SLC12A8: variants seen among roughly 807,000 people sequenced by gnomAD.
SLC12A8 encodes the protein cation-chloride cotransporter 9.
In SLC12A8, 69 loss-of-function variants were observed where a neutral mutation model predicts 75.6. The observed-to-expected ratio is 0.91, with a 90% CI of 0.75 to 1.11. The LOEUF (loss-of-function observed/expected upper bound fraction) is 1.11, where lower values mean the gene tolerates loss of function less well. Among genes scored for constraint, SLC12A8 ranks in the 50% most tolerant of loss-of-function variants. The pLI, the probability that SLC12A8 is intolerant of heterozygous loss-of-function variation, is 0.00. For missense variants in SLC12A8, 877 were observed against 896.7 expected (o/e 0.98, Z 0.28); for synonymous variants, 365 against 372.8 (o/e 0.98, Z 0.24).
At chr3:125,120,970 G>A (rs934147148) in intron 6 of SLC12A8, 3 of 667,996 alleles carry the variant, frequency 4.5e-6, no homozygotes, top group East Asian at 5.4e-5. Context: ...CCAGGGGGGA[G>A]GAAAGCGGCT....
chr3:125,105,339 G>A (rs529906566), intron 10 of SLC12A8, among the ~76,000 whole-genome samples: 1 of 152,318 alleles, frequency 6.6e-6, no homozygotes, highest in East Asian at 1.9e-4. Flanking sequence ...GGAATTCTAA[G>A]ACAACAGCTT....
intron 3 of SLC12A8, among the ~76,000 whole-genome samples, 178 bp from the exon 4 acceptor site, chr3:125,187,606 G>A (rs1180690333): frequency 6.6e-6 from 1 of 152,166 alleles, no homozygotes; most frequent in Non-Finnish European, 1.5e-5. Flanking sequence ...CCAAGGCCAG[G>A]AAGAAGTTCT....
At chr3:125,103,328 T>C (rs1483956100) in intron 10 of SLC12A8, among the ~76,000 whole-genome samples, 1 of 151,990 alleles carries the variant, frequency 6.6e-6, no homozygotes, top group African/African-American at 2.4e-5. Flanking sequence ...GAAAAACCTC[T>C]AGATATTCAC....
At chr3:125,093,472 T>C (rs911042570) in intron 10 of SLC12A8, among the ~76,000 whole-genome samples, 5 of 152,194 alleles carry the variant, frequency 3.3e-5, no homozygotes, top group African/African-American at 1.2e-4. Flanking sequence ...TGTTGGTTCC[T>C]GGAATCTATC....
At chr3:125,189,451 G>A (rs914334114) in intron 3 of SLC12A8, among the ~76,000 whole-genome samples, 1 of 152,172 alleles carries the variant, frequency 6.6e-6, no homozygotes, top group Non-Finnish European at 1.5e-5. Flanking sequence ...CCTCCAGGAA[G>A]GCTTCCTGAC....
intron 10 of SLC12A8, among the ~76,000 whole-genome samples, chr3:125,099,401 A>G (rs2107736621): frequency 6.6e-6 from 1 of 152,324 alleles, no homozygotes; most frequent in Admixed American, 6.5e-5. Flanking sequence ...TTTTCAACGA[A>G]AAATTACAAG....
chr3:125,199,033 C>T (rs1935066822), intron 2 of SLC12A8, among the ~76,000 whole-genome samples: 1 of 152,082 alleles, frequency 6.6e-6, no homozygotes. Flanking sequence ...CCTCCTTGGC[C>T]TCCCAAAGTG....
intron 6 of SLC12A8, among the ~76,000 whole-genome samples, chr3:125,128,118 C>T (rs1426940107): frequency 5.3e-5 from 8 of 151,994 alleles, no homozygotes; most frequent in Middle Eastern, 3.4e-3. Flanking sequence ...GTGATCTGCC[C>T]GCCAACCTCC....
intron 5 of SLC12A8, among the ~76,000 whole-genome samples, chr3:125,175,214 C>T (rs2107786692): frequency 6.6e-6 from 1 of 152,198 alleles, no homozygotes; most frequent in Admixed American, 6.5e-5. Context: ...AAGATAGTTG[C>T]TATTATGCAT....
intron 2 of SLC12A8, among the ~76,000 whole-genome samples, chr3:125,202,449 T>G (rs1199667231): frequency 2.0e-5 from 3 of 152,166 alleles, no homozygotes; most frequent in Non-Finnish European, 4.4e-5. Context: ...ATTACAAGAA[T>G]AGTACTTCAG....
chr3:125,120,546 G>T, intron 7 of SLC12A8, 53 bp downstream of exon 7: 1 of 1,317,014 alleles, frequency 7.6e-7, no homozygotes, highest in East Asian at 2.4e-5. Context: ...CTTCTGCCTG[G>T]GGTTTTCTCT....
rs143771154 is a variant in SLC12A8, at chr3:125,135,718, C to A, written c.687G>T (p.Pro229=). 31 of 1,609,908 alleles carry A rather than the reference C, an allele frequency of 1.9e-5. No homozygotes were observed. Among genetic ancestry groups the A allele is most frequent in the Non-Finnish European group, 2.5e-5 (30 of 1,177,524 alleles). ...LQNNTLPDYS[P]GESFFTVFGV... ...CAAAGACAGTGAAAAAAGATTCCCC[C>A]GGGCTGTAATCGGGCAGCGTGTTGT... The change falls in exon 6 of 14, where the codon CCG becomes CCT. Residue 229 remains proline (P), a synonymous_variant. Coordinates refer to ENST00000469902, the MANE Select transcript of SLC12A8 (RefSeq NM_024628.6).
intron 5 of SLC12A8, among the ~76,000 whole-genome samples, chr3:125,176,091 G>A (rs1451404358): frequency 1.3e-5 from 2 of 152,182 alleles, no homozygotes; most frequent in African/African-American, 4.8e-5. Context: ...CTAAAAGGCA[G>A]GACTGTGTAG....
chr3:125,186,710 C>T (rs1165573159), intron 4 of SLC12A8, among the ~76,000 whole-genome samples: 2 of 152,260 alleles, frequency 1.3e-5, no homozygotes, highest in Admixed American at 6.5e-5. Flanking sequence ...GCACACTCCT[C>T]ATTAACATTC....
chr3:125,147,113 G>T (rs187499153), intron 5 of SLC12A8, among the ~76,000 whole-genome samples: 3 of 152,208 alleles, frequency 2.0e-5, no homozygotes, highest in Non-Finnish European at 4.4e-5. Flanking sequence ...TATCAAGCAC[G>T]CCCAACTTCC....
intron 5 of SLC12A8, among the ~76,000 whole-genome samples, chr3:125,167,851 G>T (rs1163084386): frequency 6.6e-6 from 1 of 152,250 alleles, no homozygotes; most frequent in Non-Finnish European, 1.5e-5. Context: ...GCGGAGAATT[G>T]TTCAGAAAGG....
intron 8 of SLC12A8, 80 bp downstream of exon 8, chr3:125,118,689 G>A (rs533952452): frequency 3.1e-6 from 3 of 957,056 alleles, no homozygotes; most frequent in Admixed American, 3.9e-5. Context: ...TACTGCAAGG[G>A]GAAGGTGGCC....
chr3:125,189,613 CTT>C (rs1934869293), intron 3 of SLC12A8, among the ~76,000 whole-genome samples: 1 of 152,238 alleles, frequency 6.6e-6, no homozygotes, highest in African/African-American at 2.4e-5. Context: ...CAGGCCATGT[CTT>C]GTCTTTTGTG....
chr3:125,092,397 G>A (rs1252759606), intron 10 of SLC12A8, among the ~76,000 whole-genome samples, 199 bp from the exon 11 acceptor site: 1 of 152,198 alleles, frequency 6.6e-6, no homozygotes, highest in Non-Finnish European at 1.5e-5. Context: ...AAAGAGAAGA[G>A]AGAGACAGAG....
Sources: allele counts gnomAD v4.1 joint callset (sites outside exome capture counted in the v4.1 genomes callset), GRCh38; gene constraint gnomAD v4.1.1; transcripts MANE v1.5; gene names NCBI Gene and HGNC (gene_info 2026-07-23, HGNC 2026-07-21).